The following CACNA1C variants were observed in gnomAD, a reference collection of about 807,000 sequenced individuals.
CACNA1C encodes the protein voltage-dependent L-type calcium channel subunit alpha-1C.
CACNA1C carries 30 observed loss-of-function variants against 229.0 expected under a neutral mutation model. The ratio of observed to expected loss-of-function variants is 0.13; its 90% CI spans 0.10 to 0.18. The LOEUF (loss-of-function observed/expected upper bound fraction) is 0.18, where lower values mean the gene tolerates loss of function less well. CACNA1C is among the 10% of genes least tolerant of loss of function. The pLI is 1.00. For synonymous variants in CACNA1C, 1,114 were observed against 1,132.5 expected (o/e 0.98, Z 0.33); for missense variants, 1,658 against 2,845.0 (o/e 0.58, Z 9.49).
chr12:2,667,481 GCT>G (rs1430448216), intron 37 of CACNA1C, among the ~76,000 whole-genome samples: 6 of 152,198 alleles, frequency 3.9e-5, no homozygotes, highest in Non-Finnish European at 1.5e-5. Flanking sequence ...TTCTACTTGT[GCT>G]CTGTTTACTG....
At chr12:2,306,092 T>G (rs2094994016) in intron 3 of CACNA1C, among the ~76,000 whole-genome samples, 1 of 152,238 alleles carries the variant, frequency 6.6e-6, no homozygotes, top group South Asian at 2.1e-4. Flanking sequence ...GCAGCCTCAC[T>G]GCAGTCCTTG....
intron 13 of CACNA1C, among the ~76,000 whole-genome samples, chr12:2,578,143 C>T (rs2059227280): frequency 6.6e-6 from 1 of 152,156 alleles, no homozygotes; most frequent in Non-Finnish European, 1.5e-5. Context: ...GCTGGGATTA[C>T]AGGCGTGAGC....
intron 3 of CACNA1C, among the ~76,000 whole-genome samples, chr12:2,336,209 AAAC>A (rs1187560868): frequency 6.6e-6 from 1 of 152,208 alleles, no homozygotes; most frequent in Non-Finnish European, 1.5e-5. Flanking sequence ...TTTCTAATAA[AAAC>A]AACCAGAGTG....
chr12:2,278,280 A>G (rs764862654), intron 3 of CACNA1C, among the ~76,000 whole-genome samples: 8 of 152,242 alleles, frequency 5.3e-5, no homozygotes, highest in Non-Finnish European at 1.0e-4. Flanking sequence ...TATAATTGGC[A>G]TATAACAAAC....
At chr12:2,638,383 C>G (rs2093163566) in intron 30 of CACNA1C, among the ~76,000 whole-genome samples, 1 of 152,118 alleles carries the variant, frequency 6.6e-6, no homozygotes, top group African/African-American at 2.4e-5. Context: ...AGGAGCCAAC[C>G]TGGCTGGTGC....
At chr12:2,270,884 G>T (rs1490919269) in intron 3 of CACNA1C, among the ~76,000 whole-genome samples, 1 of 152,194 alleles carries the variant, frequency 6.6e-6, no homozygotes, top group Non-Finnish European at 1.5e-5. Context: ...CTCTGGCCAG[G>T]CTGGAGGGGC....
At chr12:2,441,877 G>T (rs1363223300) in intron 3 of CACNA1C, among the ~76,000 whole-genome samples, 2 of 152,178 alleles carry the variant, frequency 1.3e-5, no homozygotes, top group Non-Finnish European at 2.9e-5. Flanking sequence ...TGGGATTATG[G>T]CATTGCTCTG....
chr12:2,137,870 C>T (rs747727523), intron 3 of CACNA1C, among the ~76,000 whole-genome samples: 7 of 151,352 alleles, frequency 4.6e-5, no homozygotes, highest in South Asian at 4.2e-4. Flanking sequence ...GCAGGGCTGC[C>T]GGGGTCCGGG....
chr12:2,684,276 C>T (rs2097330294), intron 43 of CACNA1C, among the ~76,000 whole-genome samples: 2 of 152,192 alleles, frequency 1.3e-5, no homozygotes, highest in South Asian at 4.1e-4. Flanking sequence ...AATCACTCAA[C>T]TGCCCTGTGC....
At chr12:2,005,018 C>A (rs1162497347) in intron 1 of CACNA1C, among the ~76,000 whole-genome samples, 1 of 151,044 alleles carries the variant, frequency 6.6e-6, no homozygotes, top group African/African-American at 2.4e-5. Flanking sequence ...TTGACTTGTT[C>A]ACTGTGGTGA....
intron 3 of CACNA1C, among the ~76,000 whole-genome samples, chr12:2,342,467 C>T (rs1464019994): frequency 1.3e-5 from 2 of 152,190 alleles, no homozygotes; most frequent in African/African-American, 4.8e-5. Context: ...AGGATAACAG[C>T]CAGTTGCTTT....
Position 2,348,384 on chromosome 12 carries a change from C to T in CACNA1C, c.478-100592C>T, listed in dbSNP as rs1593578103. Among the ~76,000 whole-genome samples the T allele has an allele frequency of 6.6e-6, 1 of 152,324 alleles. No individual in the cohort carries two copies. Among genetic ancestry groups the T allele is most frequent in the Non-Finnish European group, 1.5e-5 (1 of 68,038 alleles). ...GAGCTCCCGGCCCACGACTGAGTCA[C>T]GCGGCTTCTTAGCAACTTAGTCAAT... On this transcript the variant is annotated intron_variant, in intron 3 of 46. Transcript: ENST00000399655. This position sits in a 1 kb window ranked among gnomAD's most constrained non-coding sequence, Gnocchi z 4.7.
intron 38 of CACNA1C, among the ~76,000 whole-genome samples, chr12:2,673,465 T>TAA (rs527320564): frequency 0.02 from 2,021 of 100,684 alleles, 60 homozygotes; most frequent in African/African-American, 0.063. Context: ...AACTTCCGTC[T>TAA]AAAAAAAAAA....
intron 13 of CACNA1C, among the ~76,000 whole-genome samples, chr12:2,574,272 T>G (rs1325386879): frequency 2.0e-5 from 3 of 152,204 alleles, no homozygotes; most frequent in Non-Finnish European, 4.4e-5. Flanking sequence ...TTCTTCCACC[T>G]GTGGCTCTTG....
At chr12:2,429,886 G>A (rs887741929) in intron 3 of CACNA1C, among the ~76,000 whole-genome samples, 2 of 152,206 alleles carry the variant, frequency 1.3e-5, no homozygotes, top group African/African-American at 2.4e-5. Flanking sequence ...AGGAGAGGAG[G>A]CTGTGCATAC....
chr12:2,491,681 C>G (rs2099735081), intron 6 of CACNA1C, among the ~76,000 whole-genome samples: 1 of 152,136 alleles, frequency 6.6e-6, no homozygotes, highest in African/African-American at 2.4e-5. Flanking sequence ...GCTGCCACTG[C>G]TGCTGGGAAG....
chr12:2,059,175 C>T (rs953736265), intron 1 of CACNA1C, among the ~76,000 whole-genome samples: 1 of 152,076 alleles, frequency 6.6e-6, no homozygotes, highest in Non-Finnish European at 1.5e-5. Flanking sequence ...CCCAGGATGA[C>T]CCCACAGAAA....
rs2094580030 is a variant in CACNA1C at position 2,648,586 on chromosome 12, A to G, written c.3945+79A>G. ...CCCCACTCTCCCCACCCCGAACTCCAGAGTCCCTGGGAGCCCTGCCTGGCT... is the reference window on the plus strand; with the variant it reads ...CCCCACTCTCCCCACCCCGAACTCCGGAGTCCCTGGGAGCCCTGCCTGGCT... On this transcript the variant is annotated intron_variant, in intron 31 of 46. Transcript: ENST00000399655. The G allele has an allele frequency of 3.0e-6, 4 of 1,325,234 alleles. No homozygotes were observed. In the African/African-American group the frequency reaches 5.9e-5, roughly 19 times the overall value. The allele number at this position is 1,325,234 out of a possible 1,614,324, so 82.1% of individuals were successfully genotyped here.
At chr12:2,482,838 A>G (rs1230696077) in intron 5 of CACNA1C, among the ~76,000 whole-genome samples, 1 of 152,170 alleles carries the variant, frequency 6.6e-6, no homozygotes, top group Non-Finnish European at 1.5e-5. Context: ...CTGTGGTCAG[A>G]CAGAACTCAT....
Sources: gnomAD v4.1 joint callset for allele counts (sites outside exome capture counted in the v4.1 genomes callset) on GRCh38, gnomAD v4.1.1 for gene constraint, Gnocchi (gnomAD v3.1) non-coding constraint, MANE v1.5 for transcripts, NCBI Gene and HGNC (gene_info 2026-07-23, HGNC 2026-07-21) for gene names.